ZNF280D: variants seen among roughly 807,000 people sequenced by gnomAD.
ZNF280D encodes the protein zinc finger protein 280D, also known as suppressor of hairy wing homolog 4.
Under a neutral mutation model 94.7 loss-of-function variants are expected in ZNF280D, and 39 were observed. The ratio of observed to expected loss-of-function variants is 0.41; its 90% confidence interval spans 0.32 to 0.54. ZNF280D has a LOEUF of 0.54. ZNF280D is among the 20% of genes least tolerant of loss of function. The probability of loss-of-function intolerance (pLI) is 0.22; values close to 1 mark genes in which losing one functional copy is unlikely to be tolerated. For missense variants in ZNF280D, 1,090 were observed against 1,149.3 expected (o/e 0.95, Z 0.75); for synonymous variants, 398 against 377.6 (o/e 1.05, Z -0.63).
At chr15:56,723,648 T>C (rs2058486567) in intron 1 of ZNF280D, among the ~76,000 whole-genome samples, 1 of 152,178 alleles carries the variant, frequency 6.6e-6, no homozygotes, top group African/African-American at 2.4e-5. Flanking sequence ...CTCTTTTAAT[T>C]ATATCTAGTC....
chr15:56,688,128 C>CTAAAATACT (rs1219189758), intron 9 of ZNF280D, among the ~76,000 whole-genome samples: 1 of 152,048 alleles, frequency 6.6e-6, no homozygotes, highest in Admixed American at 6.6e-5. Context: ...ATAATATCTA[C>CTAAAATACT]TAAAATACTT....
chr15:56,680,637 C>G lies in ZNF280D; in HGVS notation c.1004+1617G>C, dbSNP rs57992854. ...GACTACAGGTGCACGTCACCACGCC[C>G]GGCAAACTTTTGTATTTTTTGTAGA... On this transcript the variant is annotated intron_variant, in intron 10 of 21. Coordinates refer to ENST00000267807, the MANE Select transcript of ZNF280D (RefSeq NM_017661.4). 4.9e-3 allele frequency among the ~76,000 whole-genome samples: 676 copies of G among 136,978 alleles called. 7 individuals carry two copies. The highest frequency in any genetic ancestry group is 0.023 in the African/African-American group (648 of 27,794). The allele number at this position is 136,978 out of a possible 152,430, so 89.9% of individuals were successfully genotyped here.
chr15:56,699,630 A>C (rs1190114302), intron 6 of ZNF280D: 1 of 876,274 alleles, frequency 1.1e-6, no homozygotes, highest in African/African-American at 1.8e-5. Flanking sequence ...GTGATATTGT[A>C]AATACTTTAA....
At chr15:56,662,603 T>A (rs2054016931) in intron 16 of ZNF280D, among the ~76,000 whole-genome samples, 1 of 151,868 alleles carries the variant, frequency 6.6e-6, no homozygotes, top group African/African-American at 2.4e-5. Context: ...GGCGGGTGGA[T>A]CAACTGAGGT....
intron 17 of ZNF280D, among the ~76,000 whole-genome samples, chr15:56,657,993 T>C (rs1034692138): frequency 6.6e-6 from 1 of 152,160 alleles, no homozygotes; most frequent in Non-Finnish European, 1.5e-5. Flanking sequence ...ATGATGTACC[T>C]TTACAATGGG....
chr15:56,648,132 C>G (rs766297326), intron 19 of ZNF280D, among the ~76,000 whole-genome samples: 2 of 152,108 alleles, frequency 1.3e-5, no homozygotes, highest in Non-Finnish European at 1.5e-5. Flanking sequence ...CTCCTGTGAA[C>G]CAGGCTCCCT....
At position 56,677,587 on chromosome 15, in the gene ZNF280D, G is replaced by A; in HGVS notation, c.1250C>T (p.Pro417Leu). ...MKDNHKPGEM[P>L]YVCQVCNYRS... ...ATGTATGTGTACCTGGCAGACATAT[G>A]GCATTTCACCAGGTTTATGATTGTC... The change falls in exon 12 of 22, where the codon CCA becomes CTA. Residue 417 changes from proline (P) to leucine (L), a missense_variant. By Grantham distance (98) the Pro-to-Leu change is moderately conservative. This residue lies in a region of ZNF280D where 127 missense variants were observed against 208.6 expected (regional missense o/e 0.61). Transcript: ENST00000267807. 1 of 1,604,592 alleles carries A rather than the reference G, an allele frequency of 6.2e-7. No homozygotes were observed. The highest frequency in any genetic ancestry group is 8.5e-7 in the Non-Finnish European group (1 of 1,172,714).
intron 1 of ZNF280D, chr15:56,733,104 G>A (rs1195942167): frequency 6.6e-6 from 1 of 152,610 alleles, no homozygotes. Flanking sequence ...ACCAAAGGGA[G>A]TTGCCTCCAG....
chr15:56,666,935 G>A lies in ZNF280D; in HGVS notation c.1597C>T (p.Pro533Ser), dbSNP rs750248006. The stretch of plus-strand genomic sequence containing the variant: ...GTAGAAGCACTTGCACTAATGGAAG[G>A]TGTAGGTGAAGCTCCTGATTGCAGA... ...GPLQSGASPT[P>S]SISASASTLQ... Residue 533 changes from proline to serine, a missense_variant, in exon 15 of 22, where the codon CCT (proline) becomes TCT (serine). By Grantham distance (74) the Pro-to-Ser change is moderately conservative. Coordinates refer to ENST00000267807, the MANE Select transcript of ZNF280D (RefSeq NM_017661.4). The A allele has an allele frequency of 1.2e-6, 2 of 1,612,224 alleles. No individual in the cohort carries two copies. The highest frequency in any genetic ancestry group is 1.7e-5 in the Admixed American group (1 of 59,660).
intron 21 of ZNF280D, among the ~76,000 whole-genome samples, 161 bp from the exon 22 acceptor site, chr15:56,632,283 TAGG>T (rs1421033894): frequency 6.6e-5 from 10 of 152,184 alleles, no homozygotes; most frequent in African/African-American, 2.4e-4. Context: ...CAGTAAAATT[TAGG>T]AGGAGGCCAT....
intron 1 of ZNF280D, among the ~76,000 whole-genome samples, chr15:56,715,643 TTAAA>T (rs1229627388): frequency 1.3e-5 from 2 of 152,058 alleles, no homozygotes; most frequent in Admixed American, 6.5e-5. Flanking sequence ...AATATGTTAA[TTAAA>T]TAAATAAATG....
rs1383422114 is a variant in ZNF280D at position 56,631,829 on chromosome 15, T to A, written c.2609A>T (p.Asn870Ile). Residue 870 changes from asparagine to isoleucine, a missense_variant, in exon 22 of 22, where the codon AAC becomes ATC. Asn to Ile is a moderately radical substitution (Grantham distance 149). Around this residue, in one of 3 missense-constraint regions of ZNF280D, gnomAD observed 577 missense variants for 568.8 expected, o/e 1.01. Coordinates refer to ENST00000267807, the MANE Select transcript of ZNF280D (RefSeq NM_017661.4). ...IILSDQIKDH[N>I]SSEARFSSKN... ...TGAAGAAAATCTGGCTTCACTGGAG[T>A]TGTGATCTTTAATCTGATCAGATAA... 2 of 1,613,926 alleles carry A rather than the reference T, an allele frequency of 1.2e-6. No individual in the cohort carries two copies. The highest frequency in any genetic ancestry group is 1.7e-6 in the Non-Finnish European group (2 of 1,180,010).
chr15:56,718,305 T>C (rs1047531426), intron 1 of ZNF280D, among the ~76,000 whole-genome samples: 1 of 152,078 alleles, frequency 6.6e-6, no homozygotes, highest in Non-Finnish European at 1.5e-5. Flanking sequence ...TCAAAACAAG[T>C]ATATTCTTTA....
At chr15:56,693,028 A>G in intron 7 of ZNF280D, 70 bp downstream of exon 7, 1 of 898,904 alleles carries the variant, frequency 1.1e-6, no homozygotes, top group Non-Finnish European at 1.8e-6. Flanking sequence ...TCAAAACAGA[A>G]AGTCAATCTC....
chr15:56,719,655 C>A (rs1320601941), intron 1 of ZNF280D, among the ~76,000 whole-genome samples: 3 of 152,120 alleles, frequency 2.0e-5, no homozygotes, highest in Admixed American at 6.5e-5. Flanking sequence ...AAACTACTAT[C>A]TAGATATTTA....
intron 19 of ZNF280D, chr15:56,653,398 A>G: frequency 7.5e-7 from 1 of 1,332,406 alleles, no homozygotes; most frequent in Admixed American, 3.7e-5. Flanking sequence ...AAACAACATC[A>G]GCCTTATGGG....
rs181712919 is a variant in ZNF280D, at chr15:56,695,314, C to T, written c.382-2099G>A. ...TCTTGAACTTCTGACCTCAGGTGATCCACCTGCCTTGGCCTCCCAAAGTGC... is the reference window on the plus strand; with the variant it reads ...TCTTGAACTTCTGACCTCAGGTGATTCACCTGCCTTGGCCTCCCAAAGTGC... On this transcript the variant is annotated intron_variant, in intron 6 of 21. Transcript: ENST00000267807. 2.2e-4 allele frequency among the ~76,000 whole-genome samples: 34 copies of T among 152,184 alleles called. No individual in the cohort carries two copies. In the East Asian group the frequency reaches 5.8e-3, roughly 26 times the overall value.
chr15:56,651,855 G>A (rs183016952), intron 19 of ZNF280D, among the ~76,000 whole-genome samples: 70 of 152,172 alleles, frequency 4.6e-4, no homozygotes, highest in African/African-American at 1.6e-3. Flanking sequence ...AGGATATGAA[G>A]GATTGACTGT....
rs2052092333 is a variant in ZNF280D at position 56,631,886 on chromosome 15, A to G, written c.2552T>C (p.Leu851Ser). ...QIQHVCQEMELKMCQSSENII... is the reference protein window; with the variant it reads ...QIQHVCQEMESKMCQSSENII... The stretch of plus-strand genomic sequence containing the variant: ...GTTTTCTGAACTTTGGCACATCTTC[A>G]ACTCCATTTCCTGACAAACGTGTTG... The change falls in exon 22 of 22, where the codon TTG becomes TCG. Residue 851 changes from leucine (L) to serine (S), a missense_variant. Leu to Ser is a moderately radical substitution (Grantham distance 145). Coordinates refer to ENST00000267807, the MANE Select transcript of ZNF280D (RefSeq NM_017661.4). 2 of 1,613,660 alleles carry G rather than the reference A, an allele frequency of 1.2e-6. No homozygotes were observed. Among genetic ancestry groups the G allele is most frequent in the African/African-American group, 2.7e-5 (2 of 74,942 alleles).
Sources: gnomAD v4.1 joint callset for allele counts (sites outside exome capture counted in the v4.1 genomes callset) on GRCh38, gnomAD v4.1.1 for gene constraint, gnomAD v4.1.1 regional missense constraint, MANE v1.5 for transcripts, NCBI Gene and HGNC (gene_info 2026-07-23, HGNC 2026-07-21) for gene names.